The following PTPN14 variants were observed in gnomAD, a reference collection of about 807,000 sequenced individuals.
PTPN14 encodes tyrosine-protein phosphatase non-receptor type 14.
Under a neutral mutation model 126.8 loss-of-function variants are expected in PTPN14, and 53 were observed. The observed-to-expected ratio is 0.42, with a 90% confidence interval of 0.34 to 0.53. The LOEUF is 0.53. Among genes scored for constraint, PTPN14 ranks in the 20% least tolerant of loss-of-function variants. PTPN14 has a pLI of 0.08. For synonymous variants in PTPN14, 630 were observed against 599.3 expected (o/e 1.05, Z -0.75); for missense variants, 1,257 against 1,552.9 (o/e 0.81, Z 3.20).
At chr1:214,511,378 A>G (rs376323949) in intron 1 of PTPN14, among the ~76,000 whole-genome samples, 4 of 152,248 alleles carry the variant, frequency 2.6e-5, no homozygotes, top group East Asian at 3.8e-4. Context: ...TGTAAAATAC[A>G]AAAGCATCAC....
At chr1:214,391,769 G>T (rs1046237482) in intron 10 of PTPN14, among the ~76,000 whole-genome samples, 1 of 150,682 alleles carries the variant, frequency 6.6e-6, no homozygotes, top group Non-Finnish European at 1.5e-5. Context: ...CAATTTAAAG[G>T]ACTCTCCTTA....
intron 1 of PTPN14, among the ~76,000 whole-genome samples, chr1:214,514,617 T>C (rs567470600): frequency 7.9e-5 from 12 of 152,196 alleles, no homozygotes; most frequent in African/African-American, 2.6e-4. Flanking sequence ...TGAGTTTTAA[T>C]GTGCTCCCGG....
chr1:214,451,819 C>A lies in PTPN14; in HGVS notation c.330G>T (p.Gln110His). ...MFYVPNVSWL[Q>H]QEATRYQYYL... is the part of the protein sequence containing the mutation. ...AATGCACCTACCTTGTGGCCTCTTG[C>A]TGAAGCCATGACACATTTGGCACAT... The change falls in exon 3 of 19, where the codon CAG becomes CAT. Residue 110 changes from glutamine (Q) to histidine (H), a missense_variant. Around this residue, in one of 3 missense-constraint regions of PTPN14, gnomAD observed 1,021 missense variants for 1,183.3 expected, o/e 0.86. Transcript: ENST00000366956. 1 of 1,614,056 alleles carries A rather than the reference C, an allele frequency of 6.2e-7. No individual in the cohort carries two copies. The highest frequency in any genetic ancestry group is 8.5e-7 in the Non-Finnish European group (1 of 1,179,980).
chr1:214,389,610 G>A (rs1449031066), intron 11 of PTPN14, among the ~76,000 whole-genome samples: 1 of 152,156 alleles, frequency 6.6e-6, no homozygotes, highest in Non-Finnish European at 1.5e-5. Flanking sequence ...GCCATGAATT[G>A]GATCAGACTT....
At chr1:214,389,844 GA>G (rs770247043) in intron 11 of PTPN14, among the ~76,000 whole-genome samples, 11 of 152,194 alleles carry the variant, frequency 7.2e-5, no homozygotes, top group Non-Finnish European at 1.6e-4. Flanking sequence ...TCAGTGCCAT[GA>G]ACAAATCTAT....
intron 7 of PTPN14, among the ~76,000 whole-genome samples, chr1:214,400,395 G>A (rs752531412): frequency 5.3e-4 from 80 of 152,276 alleles, no homozygotes; most frequent in Admixed American, 1.4e-3. Context: ...CCCGAGCTTG[G>A]CAATAAGTCA....
At chr1:214,411,652 AAATT>A in intron 5 of PTPN14, 28 bp downstream of exon 5, 2 of 1,400,920 alleles carry the variant, frequency 1.4e-6, no homozygotes, top group Non-Finnish European at 2.0e-6. Flanking sequence ...AGAAGGTAGA[AAATT>A]AATTAAGAAA....
At chr1:214,482,676 A>C in intron 1 of PTPN14, 1 of 871,798 alleles carries the variant, frequency 1.1e-6, no homozygotes, top group Non-Finnish European at 1.8e-6. Context: ...CACAACTTCT[A>C]TATAGTACCT....
At chr1:214,504,187 T>C (rs969267916) in intron 1 of PTPN14, among the ~76,000 whole-genome samples, 9 of 152,172 alleles carry the variant, frequency 5.9e-5, no homozygotes, top group Non-Finnish European at 1.2e-4. Flanking sequence ...GCCTCTCCGT[T>C]AGCCCTACCT....
intron 1 of PTPN14, among the ~76,000 whole-genome samples, chr1:214,520,604 A>G (rs1452557591): frequency 6.6e-6 from 1 of 152,130 alleles, no homozygotes; most frequent in Non-Finnish European, 1.5e-5. Flanking sequence ...CTCACCCATA[A>G]CCACTGCACT....
In PTPN14 at chr1:214,352,068, C is replaced by G. The variant is rs1188713932; in HGVS notation, c.*5854G>C. ...TTGTCATATTCAGGCTGCCCAGTAG[C>G]TCCAGCCCTCCTGCCTTGTAACTCA... On this transcript the variant is annotated 3_prime_UTR_variant, in exon 19 of 19. Transcript: ENST00000366956. The G allele has an allele frequency of 1.3e-5, 2 of 152,208 alleles. No individual in the cohort carries two copies. Among genetic ancestry groups the G allele is most frequent in the Non-Finnish European group, 2.9e-5 (2 of 68,052 alleles). The allele number at this position is 152,208 out of a possible 1,614,324, so 9.4% of individuals were successfully genotyped here.
chr1:214,511,546 T>C (rs912674479), intron 1 of PTPN14, among the ~76,000 whole-genome samples: 7 of 150,606 alleles, frequency 4.6e-5, no homozygotes, highest in East Asian at 1.9e-4. Context: ...GTGGGAAAAA[T>C]TGGAACTCTT....
In PTPN14 at chr1:214,388,266, C is replaced by T. The variant is rs1221374501; in HGVS notation, c.988-1344G>A. 2.0e-5 allele frequency among the ~76,000 whole-genome samples: 3 copies of T among 152,156 alleles called. No homozygotes were observed. In the East Asian group the frequency reaches 5.8e-4, roughly 29 times the overall value. ...AGCTCCTCTCTTCCCCTACCTCAAG[C>T]ATTCTCCATTTTATTTATGTACTGA... On this transcript the variant is annotated intron_variant, in intron 11 of 18. Transcript: ENST00000366956.
intron 1 of PTPN14, among the ~76,000 whole-genome samples, chr1:214,528,040 T>C (rs1655444383): frequency 1.3e-5 from 2 of 152,108 alleles, no homozygotes; most frequent in African/African-American, 4.8e-5. Flanking sequence ...ACTCTAACTT[T>C]AAGTCATCGA....
intron 3 of PTPN14, among the ~76,000 whole-genome samples, chr1:214,432,274 C>T (rs1384328775): frequency 3.3e-5 from 5 of 151,692 alleles, no homozygotes; most frequent in Admixed American, 2.0e-4. Flanking sequence ...CCTTGAGAGC[C>T]TCAAACATAA....
intron 6 of PTPN14, among the ~76,000 whole-genome samples, chr1:214,402,675 A>AGGG (rs1553262743): frequency 2.5e-5 from 1 of 40,342 alleles, no homozygotes; most frequent in Non-Finnish European, 4.5e-5. Flanking sequence ...GGAAGGAAGG[A>AGGG]AGGGAGGGAG....
At chr1:214,436,199 C>G (rs1206910814) in intron 3 of PTPN14, among the ~76,000 whole-genome samples, 1 of 152,030 alleles carries the variant, frequency 6.6e-6, no homozygotes, top group Non-Finnish European at 1.5e-5. Flanking sequence ...ACATCTAGAA[C>G]ACATGGGCAC....
At chr1:214,406,413 G>A (rs1168053170) in intron 5 of PTPN14, among the ~76,000 whole-genome samples, 2 of 151,938 alleles carry the variant, frequency 1.3e-5, no homozygotes, top group Middle Eastern at 3.4e-3. Flanking sequence ...CCCAGGAGGC[G>A]GAGGTTGCAG....
chr1:214,358,153 A>G, intron 18 of PTPN14, 103 bp from the exon 19 acceptor site: 1 of 1,398,988 alleles, frequency 7.1e-7, no homozygotes, highest in Non-Finnish European at 9.7e-7. Context: ...GCCCATGTCC[A>G]GGTACAAGAG....
Sources: allele counts gnomAD v4.1 joint callset (sites outside exome capture counted in the v4.1 genomes callset), GRCh38; gene constraint gnomAD v4.1.1; regional missense constraint gnomAD v4.1.1; transcripts MANE v1.5; gene names NCBI Gene and HGNC (gene_info 2026-07-23, HGNC 2026-07-21).